The following DRC7 variants were observed in gnomAD, a reference collection of about 807,000 sequenced individuals.
The protein encoded by DRC7 is coiled-coil domain containing 135.
DRC7 carries 80 observed loss-of-function variants against 104.4 expected under a neutral mutation model. The observed-to-expected ratio is 0.77, with a 90% confidence interval of 0.64 to 0.92. DRC7 has a LOEUF of 0.92. Among genes scored for constraint, DRC7 ranks in the 40% least tolerant of loss-of-function variants. The pLI, the probability that DRC7 is intolerant of heterozygous loss-of-function variation, is 0.00. For missense variants in DRC7, 1,034 were observed against 1,141.1 expected (o/e 0.91, Z 1.35); for synonymous variants, 405 against 447.3 (o/e 0.91, Z 1.19).
At chr16:57,719,578 T>C (rs2148761817) in intron 9 of DRC7, among the ~76,000 whole-genome samples, 2 of 152,304 alleles carry the variant, frequency 1.3e-5, no homozygotes, top group Middle Eastern at 6.8e-3. Context: ...GGCACGATCA[T>C]AGCTCACTGC....
chr16:57,726,040 T>G, intron 13 of DRC7, 28 bp from the exon 14 acceptor site: 1 of 1,595,672 alleles, frequency 6.3e-7, no homozygotes, highest in East Asian at 2.3e-5. Flanking sequence ...CATCCTTTGC[T>G]CATCCTTTGC....
intron 15 of DRC7, 119 bp downstream of exon 15, chr16:57,727,061 G>C: frequency 1.4e-6 from 1 of 704,392 alleles, no homozygotes. Context: ...CCCGGGCTCA[G>C]GTGGTCCTCC....
rs921165207 is a variant in DRC7, at chr16:57,704,799, G to T, written c.700-77G>T. 5.9e-6 allele frequency: 9 copies of T among 1,537,444 alleles called. No individual in the cohort carries two copies. In the Admixed American group the frequency reaches 9.2e-5, roughly 16 times the overall value. ...CCCCGGTCTGAGGGACTGGCTGGGC[G>T]GGTCTCACCTCTTGGAGTTGCACAT... On this transcript the variant is annotated intron_variant, in intron 6 of 18. Transcript: ENST00000360716.
chr16:57,696,805 T>C lies in DRC7; in HGVS notation c.-38+211T>C, dbSNP rs76192770. On this transcript the variant is annotated intron_variant, in intron 2 of 18. Coordinates refer to ENST00000360716, the MANE Select transcript of DRC7 (RefSeq NM_001289162.2). ...TGCAGGCACCTTCACTCTCTGTGCC[T>C]CGGTTCCCAGTTTGATCAGGTGAGA... Among the ~76,000 whole-genome samples the C allele has an allele frequency of 3.0e-3, 464 of 152,338 alleles. 15 individuals are homozygous for C. In the South Asian group the frequency reaches 0.055, roughly 18 times the overall value.
intron 16 of DRC7, among the ~76,000 whole-genome samples, chr16:57,727,871 T>C (rs1475915601): frequency 6.6e-6 from 1 of 152,188 alleles, no homozygotes; most frequent in East Asian, 1.9e-4. Flanking sequence ...GAGATTTTAG[T>C]TTGGGGGTCG....
At position 57,731,413 on chromosome 16, in the gene DRC7, TTC is replaced by T. The variant is rs1438650722; in HGVS notation, c.*158_*159del. 6 of 612,362 alleles carry T rather than the reference TTC, an allele frequency of 9.8e-6. No individual in the cohort carries two copies. Among genetic ancestry groups the T allele is most frequent in the Non-Finnish European group, 1.2e-5 (4 of 345,868 alleles). 37.9% of individuals were successfully genotyped at this position (612,362 alleles called of 1,614,324 possible). On this transcript the variant is annotated 3_prime_UTR_variant, in exon 19 of 19. Coordinates refer to ENST00000360716, the MANE Select transcript of DRC7 (RefSeq NM_001289162.2). ...CCCCTACAGCCCTGTTTGTTCCTGC[TTC>T]TCATGATTTTCCTGTAAATAAACAC...
Position 57,700,160 on chromosome 16 carries a change from A to G in DRC7, c.394A>G (p.Thr132Ala), listed in dbSNP as rs751393942. 9 of 1,613,242 alleles carry G rather than the reference A, an allele frequency of 5.6e-6. No homozygotes were observed. In the South Asian group the frequency reaches 9.9e-5, roughly 18 times the overall value. The change falls in exon 5 of 19, where the codon ACC (threonine) becomes GCC (alanine). Residue 132 changes from threonine (T) to alanine (A), a missense_variant. By Grantham distance (58) the Thr-to-Ala change is moderately conservative. Coordinates refer to ENST00000360716, the MANE Select transcript of DRC7 (RefSeq NM_001289162.2). ...ECEVPKFVST[T>A]LRPTLMPYPE... ...CTCCTTGCAGAAGTTCGTGAGCACA[A>G]CCCTCCGGCCCACACTGATGCCCTA...
At chr16:57,726,330 C>G (rs1351838056) in intron 14 of DRC7, 47 bp downstream of exon 14, 5 of 1,521,308 alleles carry the variant, frequency 3.3e-6, no homozygotes. Flanking sequence ...CAGGAGGAAC[C>G]GGGGCTCTCT....
intron 17 of DRC7, among the ~76,000 whole-genome samples, chr16:57,730,196 G>C (rs1345835784): frequency 6.9e-6 from 1 of 143,950 alleles, no homozygotes; most frequent in African/African-American, 2.7e-5. Context: ...TGGGTGAGTG[G>C]ATGGATGAAT....
At position 57,697,948 on chromosome 16, in the gene DRC7, G is replaced by T. The variant is rs1201738422; in HGVS notation, c.-2G>T. The T allele has an allele frequency of 7.4e-6, 12 of 1,611,926 alleles. No individual in the cohort carries two copies. The highest frequency in any genetic ancestry group is 2.0e-4 in the Middle Eastern group (1 of 5,124). The stretch of plus-strand genomic sequence containing the variant: ...TCTCCAGACACCCAGAGACGCTCCA[G>T]AATGGAGGTCCTGAGGGAGAAGGTG... On this transcript the variant is annotated 5_prime_UTR_variant, in exon 3 of 19. Coordinates refer to ENST00000360716, the MANE Select transcript of DRC7 (RefSeq NM_001289162.2).
intron 6 of DRC7, among the ~76,000 whole-genome samples, chr16:57,703,841 C>A (rs1451225120): frequency 6.6e-6 from 1 of 151,898 alleles, no homozygotes; most frequent in Non-Finnish European, 1.5e-5. Context: ...GTGGTGCATG[C>A]CTGTAAACCC....
At chr16:57,699,631 T>TCAGACTGTACTGGTCG (rs2148730435) in intron 4 of DRC7, among the ~76,000 whole-genome samples, 1 of 152,254 alleles carries the variant, frequency 6.6e-6, no homozygotes, top group East Asian at 1.9e-4. Context: ...CTCTGAGGCT[T>TCAGACTGTACTGGTCG]CAGACTGTAC....
chr16:57,700,656 C>CAAAAAAAAAAAAAAAAAAAA (rs59120133), intron 5 of DRC7, among the ~76,000 whole-genome samples: 1 of 88,618 alleles, frequency 1.1e-5, no homozygotes, highest in Non-Finnish European at 2.2e-5. Flanking sequence ...AAAACTCTCT[C>CAAAAAAAAAAAAAAAAAAAA]AAAAAAAAAA....
chr16:57,727,594 T>G (rs550592537), intron 16 of DRC7, among the ~76,000 whole-genome samples, 185 bp downstream of exon 16: 11 of 152,232 alleles, frequency 7.2e-5, no homozygotes, highest in Non-Finnish European at 1.5e-4. Flanking sequence ...TACTTGGGAT[T>G]TGGGCAAGGT....
chr16:57,729,385 A>G (rs181355958), intron 17 of DRC7, among the ~76,000 whole-genome samples: 749 of 67,346 alleles, frequency 0.011, 3 homozygotes, highest in Non-Finnish European at 0.017. Context: ...TGAATGGGTG[A>G]GTGGATGGAT....
intron 1 of DRC7, among the ~76,000 whole-genome samples, chr16:57,695,973 T>G (rs897754655): frequency 6.6e-6 from 1 of 152,230 alleles, no homozygotes. Flanking sequence ...TCTGCCCTCT[T>G]GCTCCTGGCT....
rs766266004 is a variant in DRC7, at chr16:57,698,099, AG to A, written c.151del (p.Asp51ThrfsTer70). 3 of 1,614,174 alleles carry A rather than the reference AG, an allele frequency of 1.9e-6. No homozygotes were observed. The highest frequency in any genetic ancestry group is 1.7e-6 in the Non-Finnish European group (2 of 1,180,034). ...TCACCTTAAAGCAGGAGACGCTCAGAGACCTGGAGAAGAAGCTGTCAGAGAT... is the reference window on the plus strand; with the variant it reads ...TCACCTTAAAGCAGGAGACGCTCAGAACCTGGAGAAGAAGCTGTCAGAGAT... Reference protein sequence around the residue: ...EITLKQETLRDLEKKLSEIQI... With the variant: ...EITLKQETLRXLEKKLSEIQI... On this transcript the variant is annotated frameshift_variant, in exon 3 of 19. Transcript: ENST00000360716. LOFTEE classifies it high-confidence loss of function.
At chr16:57,710,306 T>C (rs2048779673) in intron 8 of DRC7, among the ~76,000 whole-genome samples, 1 of 152,248 alleles carries the variant, frequency 6.6e-6, no homozygotes, top group African/African-American at 2.4e-5. Flanking sequence ...AATTTCACCT[T>C]CTGACTATTC....
At chr16:57,717,857 T>C (rs1240447614) in intron 8 of DRC7, among the ~76,000 whole-genome samples, 1 of 152,148 alleles carries the variant, frequency 6.6e-6, no homozygotes, top group Non-Finnish European at 1.5e-5. Flanking sequence ...CTGCATCTTA[T>C]GTATAACTTC....
Sources: allele counts gnomAD v4.1 joint callset (sites outside exome capture counted in the v4.1 genomes callset), GRCh38; gene constraint gnomAD v4.1.1; transcripts MANE v1.5; gene names NCBI Gene and HGNC (gene_info 2026-07-23, HGNC 2026-07-21).